The following SLC6A15 variants were observed in gnomAD, a reference collection of about 807,000 sequenced individuals.
SLC6A15 encodes solute carrier family 6 member 15, also known as sodium-dependent neutral amino acid transporter B(0)AT2.
A neutral mutation model predicts 68.5 loss-of-function variants in SLC6A15; 33 were observed. The ratio of observed to expected loss-of-function variants is 0.48; its 90% CI spans 0.37 to 0.64. The LOEUF (loss-of-function observed/expected upper bound fraction) is 0.64, where lower values mean the gene tolerates loss of function less well. SLC6A15 is among the 30% of genes least tolerant of loss of function. The probability of loss-of-function intolerance (pLI) is 0.00; values close to 1 mark genes in which losing one functional copy is unlikely to be tolerated. For synonymous variants in SLC6A15, 347 were observed against 301.0 expected (o/e 1.15, Z -1.58); for missense variants, 747 against 874.3 (o/e 0.85, Z 1.84).
rs77827267 is a variant in SLC6A15, at chr12:84,912,412, G to C, written c.-189+111C>G. ...CCCCAGGACGCAGCGAGTCCTTCCC[G>C]GCATCCATCCATCAATTCGTTCCCG... On this transcript the variant is annotated intron_variant, in intron 1 of 11. Coordinates refer to ENST00000266682, the MANE Select transcript of SLC6A15 (RefSeq NM_182767.6). 16 of 152,312 alleles carry C rather than the reference G, an allele frequency of 1.1e-4. 1 individual carries two copies. The highest frequency in any genetic ancestry group is 8.5e-4 in the Admixed American group (13 of 15,262). 9.4% of individuals were successfully genotyped at this position (152,312 alleles called of 1,614,324 possible).
chr12:84,888,176 T>C (rs1238794677), intron 2 of SLC6A15, among the ~76,000 whole-genome samples: 1 of 146,304 alleles, frequency 6.8e-6, no homozygotes, highest in Non-Finnish European at 1.5e-5. Flanking sequence ...GAAGACTGAC[T>C]CTTGAGTCCA....
At chr12:84,907,277 G>A (rs531039679) in intron 1 of SLC6A15, among the ~76,000 whole-genome samples, 1 of 152,116 alleles carries the variant, frequency 6.6e-6, no homozygotes, top group Non-Finnish European at 1.5e-5. Context: ...GAACCAGGGA[G>A]GCAGAGCTTG....
intron 5 of SLC6A15, among the ~76,000 whole-genome samples, chr12:84,877,220 T>A (rs1387324958): frequency 6.6e-6 from 1 of 152,166 alleles, no homozygotes; most frequent in Non-Finnish European, 1.5e-5. Context: ...CTAATAGGTC[T>A]CTAAAATATT....
intron 4 of SLC6A15, among the ~76,000 whole-genome samples, chr12:84,885,154 C>CA (rs1232067682): frequency 5.3e-5 from 8 of 151,798 alleles, no homozygotes; most frequent in Non-Finnish European, 7.4e-5. Flanking sequence ...TCAGGGCATA[C>CA]AAAATAAAGA....
chr12:84,881,841 C>T (rs1871835376), intron 5 of SLC6A15: 2 of 984,496 alleles, frequency 2.0e-6, no homozygotes, highest in Non-Finnish European at 2.4e-6. Context: ...CTCATTGTTT[C>T]AGATTGAGGA....
intron 5 of SLC6A15, chr12:84,883,599 G>A (rs1484429808): frequency 7.2e-7 from 1 of 1,396,340 alleles, no homozygotes; most frequent in Non-Finnish European, 9.3e-7. Context: ...GGACTTTTAA[G>A]TATTCACAAA....
chr12:84,878,941 A>G (rs953307927), intron 5 of SLC6A15, among the ~76,000 whole-genome samples: 1 of 151,868 alleles, frequency 6.6e-6, no homozygotes, highest in Admixed American at 6.6e-5. Context: ...CATCCCAGAA[A>G]TCCATTTTTC....
intron 6 of SLC6A15, among the ~76,000 whole-genome samples, chr12:84,873,531 T>C (rs1001133422): frequency 6.6e-6 from 1 of 152,238 alleles, no homozygotes; most frequent in Non-Finnish European, 1.5e-5. Context: ...ATCAGTCCTT[T>C]ACATGGAGAT....
chr12:84,892,067 C>T lies in SLC6A15; in HGVS notation c.54G>A (p.Glu18=). Reference sequence around the variant, plus strand: ...CATTGGAAAGAAGGTCTTTGACAGACTCAGTAACATCATCATCTAATTCTC... The same window carrying T: ...CATTGGAAAGAAGGTCTTTGACAGATTCAGTAACATCATCATCTAATTCTC... ...VKRELDDDVT[E]SVKDLLSNED... is the part of the protein sequence containing the mutation. Residue 18 remains glutamate, a synonymous_variant, in exon 2 of 12, where the codon GAG becomes GAA. Transcript: ENST00000266682. The T allele has an allele frequency of 6.2e-7, 1 of 1,612,854 alleles. No individual in the cohort carries two copies. Among genetic ancestry groups the T allele is most frequent in the South Asian group, 1.1e-5 (1 of 91,014 alleles).
rs1223401347 is a variant in SLC6A15, at chr12:84,863,668, T to C, written c.1656-67A>G. On this transcript the variant is annotated intron_variant, in intron 10 of 11. Coordinates refer to ENST00000266682, the MANE Select transcript of SLC6A15 (RefSeq NM_182767.6). ...TTGCTAAACCTTAAAAAATGTGCATTATATTAATGGTCTGACAAACATTTA... is the reference window on the plus strand; with the variant it reads ...TTGCTAAACCTTAAAAAATGTGCATCATATTAATGGTCTGACAAACATTTA... 10 of 1,155,250 alleles carry C rather than the reference T, an allele frequency of 8.7e-6. No homozygotes were observed. The East Asian group carries it at 2.0e-4, about 23-fold the overall frequency. 71.6% of individuals were successfully genotyped at this position (1,155,250 alleles called of 1,614,324 possible).
chr12:84,908,536 T>G (rs1041812332), intron 1 of SLC6A15, among the ~76,000 whole-genome samples: 6 of 150,430 alleles, frequency 4.0e-5, no homozygotes, highest in Non-Finnish European at 5.9e-5. Context: ...TTAAAATATT[T>G]TATATATTTA....
Position 84,883,840 on chromosome 12 carries a change from A to C in SLC6A15, c.756+19T>G. 6.2e-7 allele frequency: 1 copy of C among 1,614,134 alleles called. No individual in the cohort carries two copies. On this transcript the variant is annotated intron_variant, in intron 5 of 11. Coordinates refer to ENST00000266682, the MANE Select transcript of SLC6A15 (RefSeq NM_182767.6). Reference sequence around the variant, plus strand: ...GAAATGGTGATTAGCAGAATGAGGAAGGGCTCTAACATACTAACTTTTCCA... The same window carrying C: ...GAAATGGTGATTAGCAGAATGAGGACGGGCTCTAACATACTAACTTTTCCA...
intron 5 of SLC6A15, chr12:84,881,748 T>G: frequency 1.1e-6 from 1 of 897,436 alleles, no homozygotes; most frequent in Non-Finnish European, 1.3e-6. Context: ...GTGACACTGT[T>G]TATTTGGAGG....
chr12:84,885,599 C>A lies in SLC6A15; in HGVS notation c.448-38G>T, dbSNP rs373918902. The A allele has an allele frequency of 4.5e-6, 7 of 1,570,752 alleles. No homozygotes were observed. In the African/African-American group the frequency reaches 6.9e-5, roughly 15 times the overall value. On this transcript the variant is annotated intron_variant, in intron 3 of 11. Coordinates refer to ENST00000266682, the MANE Select transcript of SLC6A15 (RefSeq NM_182767.6). ...ATGATATCCCATTAAACCTCTCATACCTCTTCCATTAAAAGAATGAGATCA... is the reference window on the plus strand; with the variant it reads ...ATGATATCCCATTAAACCTCTCATAACTCTTCCATTAAAAGAATGAGATCA...
chr12:84,897,450 A>G (rs978989406), intron 1 of SLC6A15, among the ~76,000 whole-genome samples: 2 of 152,116 alleles, frequency 1.3e-5, no homozygotes, highest in Admixed American at 6.5e-5. Flanking sequence ...AACACAAAAT[A>G]CTAAAAGAAA....
chr12:84,876,041 C>T (rs1361957505), intron 6 of SLC6A15, among the ~76,000 whole-genome samples: 1 of 150,826 alleles, frequency 6.6e-6, no homozygotes, highest in East Asian at 1.9e-4. Context: ...TCCATGGATT[C>T]TAGATGATCA....
intron 2 of SLC6A15, among the ~76,000 whole-genome samples, chr12:84,886,871 G>A (rs79923380): frequency 0.041 from 6,183 of 152,190 alleles, 402 homozygotes; most frequent in African/African-American, 0.14. Flanking sequence ...TAAATAGTTT[G>A]ACAATGTTAA....
In SLC6A15 at chr12:84,886,076, A is replaced by G. The variant is rs1258464472; in HGVS notation, c.290-8T>C. 1 of 1,549,500 alleles carries G rather than the reference A, an allele frequency of 6.5e-7. No individual in the cohort carries two copies. Among genetic ancestry groups the G allele is most frequent in the Non-Finnish European group, 8.9e-7 (1 of 1,129,798 alleles). ...ATGGTAAAAGATATGCACCTAAAGA[A>G]ACAACAACAAAAAATAGATTATATT... On this transcript the variant is annotated splice_region_variant and splice_polypyrimidine_tract_variant and intron_variant, in intron 2 of 11. Transcript: ENST00000266682.
intron 1 of SLC6A15, among the ~76,000 whole-genome samples, chr12:84,903,433 G>A (rs1371232706): frequency 2.0e-5 from 3 of 151,876 alleles, no homozygotes; most frequent in Non-Finnish European, 4.4e-5. Flanking sequence ...AAAACATTGA[G>A]AATAAAAAAA....
Sources: allele counts gnomAD v4.1 joint callset (sites outside exome capture counted in the v4.1 genomes callset), GRCh38; gene constraint gnomAD v4.1.1; transcripts MANE v1.5; gene names NCBI Gene and HGNC (gene_info 2026-07-23, HGNC 2026-07-21).